ABTB3: variants seen among roughly 807,000 people sequenced by gnomAD.
The protein encoded by ABTB3 is ankyrin repeat- and BTB/POZ domain-containing protein 3.
At chr12:107,352,562 G>A in the ABTB3 span, among the ~76,000 whole-genome samples, 1 of 152,116 alleles carries the variant, frequency 6.6e-6, no homozygotes, top group Non-Finnish European at 1.5e-5. Flanking sequence ...GTCCAACTAA[G>A]GGGGCCCTTC....
At chr12:107,524,112 G>T in the ABTB3 span, among the ~76,000 whole-genome samples, 1 of 152,222 alleles carries the variant, frequency 6.6e-6, no homozygotes, top group Non-Finnish European at 1.5e-5. Context: ...AGGACAATTT[G>T]CTCTGTAAAT....
At chr12:107,437,376 C>T in the ABTB3 span, among the ~76,000 whole-genome samples, 1 of 148,012 alleles carries the variant, frequency 6.8e-6, no homozygotes, top group African/African-American at 2.5e-5. Flanking sequence ...TCTCAAATCT[C>T]CCTCTGCTTT....
the ABTB3 span, among the ~76,000 whole-genome samples, chr12:107,474,844 G>T: frequency 1.4e-4 from 22 of 152,034 alleles, no homozygotes; most frequent in African/African-American, 4.6e-4. Flanking sequence ...ATATTCTCCA[G>T]GTTGGGGCTT....
At chr12:107,320,130 GC>G in the ABTB3 span, 1 of 1,366,062 alleles carries the variant, frequency 7.3e-7, no homozygotes, top group Non-Finnish European at 9.5e-7. Context: ...AACTCTTGGC[GC>G]AAGTTTGCCT....
the ABTB3 span, among the ~76,000 whole-genome samples, chr12:107,404,150 G>C: frequency 9.9e-6 from 1 of 101,234 alleles, no homozygotes; most frequent in Non-Finnish European, 1.8e-5. Flanking sequence ...ATAACAGAGA[G>C]AGACTCTAAC....
the ABTB3 span, among the ~76,000 whole-genome samples, chr12:107,424,146 A>G: frequency 1.3e-5 from 2 of 152,236 alleles, no homozygotes; most frequent in African/African-American, 4.8e-5. Context: ...AACAACAACA[A>G]AAAACAAATA....
chr12:107,567,500 G>A, the ABTB3 span, among the ~76,000 whole-genome samples: 6 of 152,304 alleles, frequency 3.9e-5, no homozygotes, highest in African/African-American at 1.2e-4. Flanking sequence ...GCTGCCTATA[G>A]TATTCAGTAC....
At chr12:107,645,340 T>C in the ABTB3 span, among the ~76,000 whole-genome samples, 2 of 152,172 alleles carry the variant, frequency 1.3e-5, no homozygotes, top group African/African-American at 4.8e-5. Flanking sequence ...GAACCACTGC[T>C]GCCCCTCACC....
the ABTB3 span, among the ~76,000 whole-genome samples, chr12:107,620,580 C>T: frequency 6.6e-6 from 1 of 152,182 alleles, no homozygotes; most frequent in Non-Finnish European, 1.5e-5. Flanking sequence ...GACTAGACCA[C>T]GCGGGGATGG....
At chr12:107,648,863 AC>A in the ABTB3 span, among the ~76,000 whole-genome samples, 1 of 141,808 alleles carries the variant, frequency 7.1e-6, no homozygotes, top group African/African-American at 2.7e-5. Flanking sequence ...GTGGGAGAAG[AC>A]CCCGTGATTA....
the ABTB3 span, among the ~76,000 whole-genome samples, chr12:107,591,462 G>A: frequency 1.3e-5 from 2 of 152,106 alleles, no homozygotes; most frequent in South Asian, 2.1e-4. Context: ...AAGGGGGAGG[G>A]GCTACACACT....
the ABTB3 span, among the ~76,000 whole-genome samples, chr12:107,591,416 C>A: frequency 6.6e-6 from 1 of 152,126 alleles, no homozygotes; most frequent in African/African-American, 2.4e-5. Context: ...GGGAAGTAGG[C>A]TGGTCTTACA....
chr12:107,364,745 G>T, the ABTB3 span, among the ~76,000 whole-genome samples: 1 of 152,212 alleles, frequency 6.6e-6, no homozygotes, highest in Non-Finnish European at 1.5e-5. Flanking sequence ...GTGAGCAGCA[G>T]TATGTCTGTC....
chr12:107,465,792 A>T, the ABTB3 span, among the ~76,000 whole-genome samples: 1 of 152,028 alleles, frequency 6.6e-6, no homozygotes, highest in East Asian at 1.9e-4. Context: ...AACATCCCTG[A>T]CTTCCCTCCC....
chr12:107,470,281 C>T, the ABTB3 span, among the ~76,000 whole-genome samples: 1 of 152,018 alleles, frequency 6.6e-6, no homozygotes, highest in African/African-American at 2.4e-5. Context: ...TCAAGTGATC[C>T]ACCCGCCTTA....
chr12:107,496,096 C>G, the ABTB3 span, among the ~76,000 whole-genome samples: 1 of 152,178 alleles, frequency 6.6e-6, no homozygotes, highest in African/African-American at 2.4e-5. Context: ...CTAGGATAAG[C>G]ACTGCCCTCC....
At chr12:107,640,254 T>C in the ABTB3 span, 3 of 1,032,950 alleles carry the variant, frequency 2.9e-6, no homozygotes, top group Admixed American at 2.1e-5. Flanking sequence ...ACAAGATAAA[T>C]CTAAACTTCA....
the ABTB3 span, among the ~76,000 whole-genome samples, chr12:107,381,288 C>A: frequency 6.6e-6 from 1 of 152,228 alleles, no homozygotes; most frequent in African/African-American, 2.4e-5. Context: ...GTGCTAAATA[C>A]TTGCTGAAAC....
At chr12:107,520,706 T>C in the ABTB3 span, 2 of 1,580,584 alleles carry the variant, frequency 1.3e-6, no homozygotes, top group Non-Finnish European at 1.7e-6. Flanking sequence ...AGTGACACAA[T>C]GTCCTCATGC....
Sources: gnomAD v4.1 joint callset for allele counts (sites outside exome capture counted in the v4.1 genomes callset) on GRCh38, gnomAD v4.1.1 for gene constraint, MANE v1.5 for transcripts, NCBI Gene and HGNC (gene_info 2026-07-23, HGNC 2026-07-21) for gene names.